The following PRR16 variants were observed in gnomAD, a reference collection of about 807,000 sequenced individuals.
PRR16 encodes the protein proline rich 16.
Under a neutral mutation model 18.2 loss-of-function variants are expected in PRR16, and 6 were observed. The ratio of observed to expected loss-of-function variants is 0.33; its 90% CI spans 0.18 to 0.65. The LOEUF is 0.65. Among genes scored for constraint, PRR16 ranks in the 30% least tolerant of loss-of-function variants. The pLI is 0.74. For synonymous variants in PRR16, 151 were observed against 147.8 expected (o/e 1.02, Z -0.16); for missense variants, 412 against 376.6 (o/e 1.09, Z -0.78).
chr5:120,636,450 T>TAGA (rs1258017470), intron 1 of PRR16, among the ~76,000 whole-genome samples: 1 of 152,090 alleles, frequency 6.6e-6, no homozygotes, highest in Non-Finnish European at 1.5e-5. Context: ...TGGAACAGAA[T>TAGA]AGAGAACCCA....
chr5:120,780,681 T>C, the PRR16 span, among the ~76,000 whole-genome samples: 1 of 152,120 alleles, frequency 6.6e-6, no homozygotes, highest in Non-Finnish European at 1.5e-5. Context: ...ACAATACACA[T>C]ATCGAATAAT....
At chr5:120,480,164 A>T (rs1311041264) in intron 1 of PRR16, among the ~76,000 whole-genome samples, 1 of 152,134 alleles carries the variant, frequency 6.6e-6, no homozygotes. Flanking sequence ...AATCCCAGCT[A>T]CTCAGGAGGC....
At chr5:120,662,139 T>A (rs1756194250) in intron 1 of PRR16, among the ~76,000 whole-genome samples, 1 of 152,150 alleles carries the variant, frequency 6.6e-6, no homozygotes, top group Admixed American at 6.6e-5. Flanking sequence ...CTAAAATAAT[T>A]GGCCTTTCAG....
At chr5:120,655,882 A>T (rs965479993) in intron 1 of PRR16, among the ~76,000 whole-genome samples, 1 of 151,984 alleles carries the variant, frequency 6.6e-6, no homozygotes, top group Middle Eastern at 3.4e-3. Flanking sequence ...ATCATTCCCA[A>T]TTCCTTGGAT....
At chr5:120,650,196 A>C (rs1430177309) in intron 1 of PRR16, among the ~76,000 whole-genome samples, 1 of 151,432 alleles carries the variant, frequency 6.6e-6, no homozygotes, top group African/African-American at 2.4e-5. Flanking sequence ...CAGCCTGGTG[A>C]CAGAACAAGA....
intron 1 of PRR16, among the ~76,000 whole-genome samples, chr5:120,643,179 C>A (rs1294969673): frequency 7.5e-6 from 1 of 133,278 alleles, no homozygotes; most frequent in Non-Finnish European, 1.6e-5. Flanking sequence ...AAGAGACATA[C>A]AGGTTTTCTA....
chr5:120,491,623 A>C (rs192606550), intron 1 of PRR16, among the ~76,000 whole-genome samples: 250 of 152,044 alleles, frequency 1.6e-3, no homozygotes, highest in African/African-American at 5.5e-3. Flanking sequence ...GGCTCACTGC[A>C]ACCTCTGCCT....
chr5:120,555,533 T>G (rs1018691854), intron 1 of PRR16, among the ~76,000 whole-genome samples: 7 of 147,676 alleles, frequency 4.7e-5, no homozygotes, highest in South Asian at 4.3e-4. Context: ...GTGGGAGAGA[T>G]AGAGAGAGAG....
chr5:120,465,650 G>A (rs1443657519), intron 1 of PRR16: 4 of 152,550 alleles, frequency 2.6e-5, no homozygotes, highest in Non-Finnish European at 5.9e-5. Context: ...CGGCGTCGCG[G>A]AGCTGGTAGC....
intron 1 of PRR16, among the ~76,000 whole-genome samples, chr5:120,474,806 A>T (rs1749387486): frequency 6.6e-6 from 1 of 152,130 alleles, no homozygotes; most frequent in Non-Finnish European, 1.5e-5. Context: ...TTGGGAGAAA[A>T]AAAGGAGAAA....
At position 120,617,176 on chromosome 5, in the gene PRR16, A is replaced by G. The variant is rs931159024; in HGVS notation, c.160-68778A>G. Reference sequence around the variant, plus strand: ...AGGCATACAGTGACAACAGGACATCAGGAAATGCCCAAGAAGGTCAGCCCC... The same window carrying G: ...AGGCATACAGTGACAACAGGACATCGGGAAATGCCCAAGAAGGTCAGCCCC... On this transcript the variant is annotated intron_variant, in intron 1 of 1. Transcript: ENST00000407149. 5.1e-6 allele frequency: 5 copies of G among 985,296 alleles called. No homozygotes were observed. The African/African-American group carries it at 8.7e-5, about 17-fold the overall frequency. 61.0% of individuals were successfully genotyped at this position (985,296 alleles called of 1,614,324 possible).
chr5:120,661,057 A>G (rs971030870), intron 1 of PRR16, among the ~76,000 whole-genome samples: 1 of 152,132 alleles, frequency 6.6e-6, no homozygotes, highest in Non-Finnish European at 1.5e-5. Flanking sequence ...CCAAGATAGC[A>G]TATTTTCTTC....
At chr5:120,782,557 C>G in the PRR16 span, among the ~76,000 whole-genome samples, 1 of 152,102 alleles carries the variant, frequency 6.6e-6, no homozygotes, top group Non-Finnish European at 1.5e-5. Context: ...CTGCTTCCCT[C>G]TATCTCAGTG....
intron 1 of PRR16, among the ~76,000 whole-genome samples, chr5:120,560,476 G>T (rs1752541761): frequency 1.3e-5 from 2 of 151,708 alleles, no homozygotes; most frequent in African/African-American, 2.4e-5. Flanking sequence ...TTGTGTCCCT[G>T]GAGTAAGTCA....
intron 1 of PRR16, among the ~76,000 whole-genome samples, chr5:120,480,403 C>A (rs1306392004): frequency 6.6e-6 from 1 of 152,104 alleles, no homozygotes; most frequent in Non-Finnish European, 1.5e-5. Context: ...ACTGCGTTAG[C>A]CAATAATATT....
At position 120,486,789 on chromosome 5, in the gene PRR16, G is replaced by T. The variant is rs963469546; in HGVS notation, c.159+22144G>T. ...GTTTTTATGGTTTTAGGTCTAACAT[G>T]TAAGTCTTTAATCCATCTCGAATTA... On this transcript the variant is annotated intron_variant, in intron 1 of 1. Coordinates refer to ENST00000407149, the MANE Select transcript of PRR16 (RefSeq NM_001300783.2). Among the ~76,000 whole-genome samples, 469 of 152,108 alleles carry T rather than the reference G, an allele frequency of 3.1e-3. 1 individual carries two copies. The highest frequency in any genetic ancestry group is 0.011 in the African/African-American group (438 of 41,492).
the PRR16 span, among the ~76,000 whole-genome samples, chr5:120,739,376 G>A: frequency 7.2e-5 from 11 of 152,142 alleles, no homozygotes; most frequent in Non-Finnish European, 1.0e-4. Context: ...AGACAAGGCT[G>A]AAACTGCAGA....
intron 1 of PRR16, among the ~76,000 whole-genome samples, chr5:120,605,110 G>T (rs911163091): frequency 1.5e-4 from 23 of 152,124 alleles, no homozygotes; most frequent in African/African-American, 4.1e-4. Context: ...GGAAATTTTT[G>T]TGGTTTTGTG....
chr5:120,507,659 T>C (rs1750689039), intron 1 of PRR16, among the ~76,000 whole-genome samples: 1 of 152,126 alleles, frequency 6.6e-6, no homozygotes, highest in Non-Finnish European at 1.5e-5. Context: ...CATTTTGCTT[T>C]GTTTTATATT....
Sources: allele counts gnomAD v4.1 joint callset (sites outside exome capture counted in the v4.1 genomes callset), GRCh38; gene constraint gnomAD v4.1.1; transcripts MANE v1.5; gene names NCBI Gene and HGNC (gene_info 2026-07-23, HGNC 2026-07-21).